The following SAMD12 variants were observed in gnomAD, a reference collection of about 807,000 sequenced individuals.
SAMD12 encodes sterile alpha motif domain containing 12, also known as sterile alpha motif domain-containing protein 12.
SAMD12 carries 9 observed loss-of-function variants against 15.0 expected under a neutral mutation model. The ratio of observed to expected loss-of-function variants is 0.60; its 90% CI spans 0.36 to 1.05. SAMD12 has a LOEUF of 1.05. SAMD12 is among the 50% of genes least tolerant of loss of function. The pLI is 0.01. For synonymous variants in SAMD12, 86 were observed against 90.1 expected (o/e 0.96, Z 0.25); for missense variants, 230 against 234.2 (o/e 0.98, Z 0.12).
intron 4 of SAMD12, among the ~76,000 whole-genome samples, chr8:118,238,449 C>G (rs1035217850): frequency 6.6e-6 from 1 of 152,010 alleles, no homozygotes; most frequent in Admixed American, 6.6e-5. Context: ...TGGATAAGAC[C>G]CTTGAGACCC....
At chr8:118,313,215 A>G (rs979142226) in intron 4 of SAMD12, among the ~76,000 whole-genome samples, 8 of 152,206 alleles carry the variant, frequency 5.3e-5, no homozygotes, top group Non-Finnish European at 1.2e-4. Context: ...ATCCATGTGG[A>G]ATATAAGCCA....
At chr8:118,346,504 G>C (rs7814050) in intron 4 of SAMD12, among the ~76,000 whole-genome samples, 39,773 of 152,098 alleles carry the variant, frequency 0.26, 6,829 homozygotes, top group African/African-American at 0.48. Context: ...GTGGGCTAAT[G>C]TCTGCCTCTA....
chr8:118,261,957 G>T (rs930012993), intron 4 of SAMD12, among the ~76,000 whole-genome samples: 27 of 151,588 alleles, frequency 1.8e-4, no homozygotes. Context: ...AATGGATAAA[G>T]AAAATGTGGT....
the SAMD12 span, among the ~76,000 whole-genome samples, chr8:118,136,183 C>G: frequency 6.6e-6 from 1 of 152,074 alleles, no homozygotes; most frequent in Non-Finnish European, 1.5e-5. Context: ...GTGTGTGCCA[C>G]CACACCTGGC....
the SAMD12 span, among the ~76,000 whole-genome samples, chr8:118,149,641 C>T: frequency 6.6e-6 from 1 of 152,154 alleles, no homozygotes; most frequent in Non-Finnish European, 1.5e-5. Context: ...TCTAAGACAT[C>T]TCTGCCTAAT....
chr8:118,190,160 G>A (rs1482768399), exon 5 of SAMD12: 1 of 152,106 alleles, frequency 6.6e-6, no homozygotes, highest in African/African-American at 2.4e-5. Flanking sequence ...TAGTGTCTGT[G>A]AAGGAATGAA....
At chr8:118,469,875 T>C (rs986593311) in intron 2 of SAMD12, among the ~76,000 whole-genome samples, 3 of 151,998 alleles carry the variant, frequency 2.0e-5, no homozygotes, top group African/African-American at 7.3e-5. Context: ...TACTATAATT[T>C]TTATGTAGTT....
intron 3 of SAMD12, among the ~76,000 whole-genome samples, chr8:118,392,774 A>G (rs893653844): frequency 5.9e-5 from 9 of 152,094 alleles, no homozygotes; most frequent in African/African-American, 2.2e-4. Flanking sequence ...GATACCAGCT[A>G]CCTTATGCAC....
At chr8:118,178,852 CA>C in the SAMD12 span, among the ~76,000 whole-genome samples, 1 of 152,210 alleles carries the variant, frequency 6.6e-6, no homozygotes, top group African/African-American at 2.4e-5. Flanking sequence ...ATTACACACA[CA>C]AAAAGCTGTT....
intron 4 of SAMD12, among the ~76,000 whole-genome samples, chr8:118,283,240 T>C (rs1813745891): frequency 6.6e-6 from 1 of 152,210 alleles, no homozygotes; most frequent in Admixed American, 6.5e-5. Flanking sequence ...AAAATACTGC[T>C]TTCCAGATTC....
chr8:118,153,805 G>A, the SAMD12 span, among the ~76,000 whole-genome samples: 1 of 151,954 alleles, frequency 6.6e-6, no homozygotes, highest in Non-Finnish European at 1.5e-5. Context: ...CTACCTTCTT[G>A]TTTCTTACAA....
At chr8:118,379,899 C>A (rs1819586694) in intron 3 of SAMD12, among the ~76,000 whole-genome samples, 199 bp from the exon 4 acceptor site, 1 of 152,070 alleles carries the variant, frequency 6.6e-6, no homozygotes. Flanking sequence ...AAAAGAGAAC[C>A]CTAACTTTTA....
intron 2 of SAMD12, among the ~76,000 whole-genome samples, chr8:118,523,723 G>A (rs987682581): frequency 6.6e-6 from 1 of 152,030 alleles, no homozygotes; most frequent in Non-Finnish European, 1.5e-5. Flanking sequence ...AGTATTCCAG[G>A]CGTCTCCAAT....
At chr8:118,237,884 G>A (rs1319400254) in intron 4 of SAMD12, among the ~76,000 whole-genome samples, 2 of 151,876 alleles carry the variant, frequency 1.3e-5, no homozygotes, top group East Asian at 1.9e-4. Flanking sequence ...AATGCACTGC[G>A]AGCTTCAAAG....
At chr8:118,286,667 T>C (rs997055954) in intron 4 of SAMD12, among the ~76,000 whole-genome samples, 1 of 152,048 alleles carries the variant, frequency 6.6e-6, no homozygotes, top group Non-Finnish European at 1.5e-5. Flanking sequence ...AGGGAGGGGA[T>C]TGATCAGGGG....
rs1010428043 is a variant in SAMD12 at position 118,434,872 on chromosome 8, G to A, written c.322+4960C>T. ...TCCCAGCACTTTGGGAGGCCGAGGC[G>A]GGCGGATCACGAGGTCAGGAGATCG... On this transcript the variant is annotated intron_variant, in intron 3 of 3. Coordinates refer to ENST00000314727, the MANE Select transcript of SAMD12 (RefSeq NM_207506.3). Among the ~76,000 whole-genome samples the A allele has an allele frequency of 1.6e-4, 4 of 25,580 alleles. 2 individuals are homozygous for A. Among genetic ancestry groups the A allele is most frequent in the Admixed American group, 1.2e-3 (2 of 1,656 alleles). 16.8% of individuals were successfully genotyped at this position (25,580 alleles called of 152,430 possible). A position where few individuals can be genotyped will look rare whatever the true frequency, so the allele number is the denominator to read the frequency against.
intron 4 of SAMD12, among the ~76,000 whole-genome samples, chr8:118,332,012 A>G (rs1228378064): frequency 6.6e-6 from 1 of 152,170 alleles, no homozygotes; most frequent in Non-Finnish European, 1.5e-5. Context: ...GACAGGTACC[A>G]CACCTTCCAA....
chr8:118,172,422 A>G, the SAMD12 span, among the ~76,000 whole-genome samples: 1 of 152,138 alleles, frequency 6.6e-6, no homozygotes, highest in Admixed American at 6.6e-5. Flanking sequence ...ATATTTGATC[A>G]TTGCTTTGGT....
intron 4 of SAMD12, among the ~76,000 whole-genome samples, chr8:118,346,023 C>T (rs1188142359): frequency 6.6e-6 from 1 of 152,170 alleles, no homozygotes; most frequent in African/African-American, 2.4e-5. Context: ...CCTACTTGCT[C>T]TCTGGAGACC....
Sources: gnomAD v4.1 joint callset for allele counts (sites outside exome capture counted in the v4.1 genomes callset) on GRCh38, gnomAD v4.1.1 for gene constraint, MANE v1.5 for transcripts, NCBI Gene and HGNC (gene_info 2026-07-23, HGNC 2026-07-21) for gene names.